LGR6: variants seen among roughly 807,000 people sequenced by gnomAD.
LGR6 encodes the protein leucine-rich repeat-containing G protein-coupled receptor 6.
A neutral mutation model predicts 69.4 loss-of-function variants in LGR6; 45 were observed. The observed-to-expected ratio is 0.65, with a 90% CI of 0.51 to 0.83. The LOEUF is 0.83. LGR6 is among the 40% of genes least tolerant of loss of function. The pLI, the probability that LGR6 is intolerant of heterozygous loss-of-function variation, is 0.00. For missense variants in LGR6, 1,108 were observed against 1,246.7 expected, an observed-to-expected ratio of 0.89 and a Z score of 1.68; for synonymous variants, 538 against 555.0, an observed-to-expected ratio of 0.97 and a Z score of 0.43.
intron 1 of LGR6, among the ~76,000 whole-genome samples, chr1:202,218,083 T>G (rs1659905418): frequency 6.6e-6 from 1 of 152,200 alleles, no homozygotes; most frequent in Non-Finnish European, 1.5e-5. Context: ...GAGGCTGTGC[T>G]AGAAACTAAG....
At chr1:202,314,979 C>A in intron 17 of LGR6, 97 bp downstream of exon 17, 1 of 866,356 alleles carries the variant, frequency 1.2e-6, no homozygotes, top group Non-Finnish European at 1.9e-6. Flanking sequence ...TGTCTGCAGC[C>A]ACATTCTTTG....
chr1:202,214,227 G>C (rs1412708206), intron 1 of LGR6: 4 of 1,541,980 alleles, frequency 2.6e-6, no homozygotes, highest in Non-Finnish European at 2.6e-6. Context: ...TGCACGGCGC[G>C]GTGCGCCCAG....
chr1:202,285,743 C>A (rs1353285003), intron 6 of LGR6, among the ~76,000 whole-genome samples: 1 of 152,134 alleles, frequency 6.6e-6, no homozygotes, highest in East Asian at 1.9e-4. Context: ...AATTTCCAGG[C>A]AGTCAAGGCA....
At chr1:202,301,715 T>C (rs1667608320) in intron 9 of LGR6, among the ~76,000 whole-genome samples, 1 of 152,100 alleles carries the variant, frequency 6.6e-6, no homozygotes, top group Admixed American at 6.6e-5. Flanking sequence ...AAGTCCCACT[T>C]CTTCAAAAAG....
intron 8 of LGR6, 61 bp from the exon 9 acceptor site, chr1:202,301,103 C>A: frequency 6.7e-7 from 1 of 1,499,952 alleles, no homozygotes; most frequent in Non-Finnish European, 9.3e-7. Flanking sequence ...CAGAGATTGG[C>A]CTTAATCCCA....
At chr1:202,197,074 G>T in intron 1 of LGR6, 1 of 533,290 alleles carries the variant, frequency 1.9e-6, no homozygotes, top group South Asian at 1.4e-5. Flanking sequence ...GCCATAGACA[G>T]AACTATAGGA....
At position 202,259,603 on chromosome 1, in the gene LGR6, C is replaced by T. The variant is rs1664055356; in HGVS notation, c.429-16703C>T. Among the ~76,000 whole-genome samples, 5 of 152,072 alleles carry T rather than the reference C, an allele frequency of 3.3e-5. No homozygotes were observed. The South Asian group carries it at 1.0e-3, about 31-fold the overall frequency. On this transcript the variant is annotated intron_variant, in intron 4 of 17. Coordinates refer to ENST00000367278, the MANE Select transcript of LGR6 (RefSeq NM_001017403.2). ...TGGAAAGATGTAAATGATGCTTTGT[C>T]TCACGTCTATCATGTTTTATACTTT...
At position 202,319,198 on chromosome 1, in the gene LGR6, A is replaced by G. The variant is rs770365288; in HGVS notation, c.2895A>G (p.Ser965=). 6.3e-7 allele frequency: 1 copy of G among 1,595,456 alleles called. No individual in the cohort carries two copies. Among genetic ancestry groups the G allele is most frequent in the South Asian group, 1.1e-5 (1 of 88,310 alleles). Residue 965 remains serine, a synonymous_variant, in exon 18 of 18, where the codon TCA becomes TCG. Transcript: ENST00000367278. ...GFQPSGLAFA[S]HV is the part of the protein sequence containing the mutation. ...AGCCCTCTGGCTTGGCCTTTGCTTC[A>G]CACGTGTAAATATCCCTCCCCATTC...
At position 202,235,967 on chromosome 1, in the gene LGR6, G is replaced by A. The variant is rs975555692; in HGVS notation, c.402G>A (p.Leu134=). 11 of 1,613,974 alleles carry A rather than the reference G, an allele frequency of 6.8e-6. No individual in the cohort carries two copies. Among genetic ancestry groups the A allele is most frequent in the Non-Finnish European group, 8.5e-6 (10 of 1,180,014 alleles). Residue 134 remains leucine (L), a synonymous_variant, in exon 4 of 18, where the codon CTG becomes CTA. Transcript: ENST00000367278. The part of the protein sequence containing the change: ...NQLGGIPAEA[L]WELPSLQSLR... ...TGGGAGGAATCCCCGCAGAGGCGCT[G>A]TGGGAGCTGCCGAGCCTGCAGTCGC...
intron 1 of LGR6, among the ~76,000 whole-genome samples, chr1:202,219,080 C>T (rs1399710795): frequency 6.6e-6 from 1 of 152,210 alleles, no homozygotes; most frequent in Non-Finnish European, 1.5e-5. Flanking sequence ...TCCTCTGATT[C>T]CAGATTCTGT....
chr1:202,308,960 A>G (rs1653490888), intron 14 of LGR6, 91 bp from the exon 15 acceptor site: 1 of 1,501,334 alleles, frequency 6.7e-7, no homozygotes, highest in Non-Finnish European at 9.1e-7. Flanking sequence ...TCTTGCTTCC[A>G]TCCCAGGCAC....
intron 4 of LGR6, among the ~76,000 whole-genome samples, chr1:202,274,761 G>A (rs575713235): frequency 1.3e-5 from 2 of 152,338 alleles, no homozygotes; most frequent in Admixed American, 1.3e-4. Flanking sequence ...TCAAGGGTGT[G>A]ACGGCCACCA....
At chr1:202,269,326 G>T (rs888172645) in intron 4 of LGR6, among the ~76,000 whole-genome samples, 4 of 152,118 alleles carry the variant, frequency 2.6e-5, no homozygotes, top group African/African-American at 9.7e-5. Flanking sequence ...TGGGAGTTTG[G>T]GCAGAGAAGC....
chr1:202,262,428 G>A (rs1308880118), intron 4 of LGR6, among the ~76,000 whole-genome samples: 1 of 152,044 alleles, frequency 6.6e-6, no homozygotes, highest in Non-Finnish European at 1.5e-5. Flanking sequence ...TGAGGGCTCT[G>A]TTCTGTTCCA....
At position 202,309,085 on chromosome 1, in the gene LGR6, CT is replaced by C; in HGVS notation, c.1316del (p.Leu439ArgfsTer7). 1 of 1,614,150 alleles carries C rather than the reference CT, an allele frequency of 6.2e-7. No homozygotes were observed. The highest frequency in any genetic ancestry group is 8.5e-7 in the Non-Finnish European group (1 of 1,180,002). The stretch of plus-strand genomic sequence containing the variant: ...AGACAACCAGCTGACCACACTGCCC[CT>C]GGCTGGACTTGGGGGCTTGATGCAT... ...LTDNQLTTLP[L>X]AGLGGLMHLK... On this transcript the variant is annotated frameshift_variant, in exon 15 of 18. Transcript: ENST00000367278. LOFTEE classifies it high-confidence loss of function.
intron 1 of LGR6, among the ~76,000 whole-genome samples, chr1:202,223,677 GCA>G (rs140269568): frequency 2.0e-5 from 3 of 151,260 alleles, no homozygotes; most frequent in Non-Finnish European, 3.0e-5. Flanking sequence ...AATGTGTCAG[GCA>G]CACACACACA....
At chr1:202,300,364 G>T (rs1373827371) in intron 7 of LGR6, among the ~76,000 whole-genome samples, 1 of 152,042 alleles carries the variant, frequency 6.6e-6, no homozygotes, top group East Asian at 1.9e-4. Context: ...TGAACAGGAA[G>T]AAAAATCAGC....
chr1:202,209,285 C>T lies in LGR6; in HGVS notation c.212+15084C>T, dbSNP rs145173184. The stretch of plus-strand genomic sequence containing the variant: ...TGGCCTATAAAGGCAACCTTGGAGA[C>T]GCCACACCTGCCATCCCCAGGGATC... On this transcript the variant is annotated intron_variant, in intron 1 of 17. Coordinates refer to ENST00000367278, the MANE Select transcript of LGR6 (RefSeq NM_001017403.2). Among the ~76,000 whole-genome samples, 17 of 152,262 alleles carry T rather than the reference C, an allele frequency of 1.1e-4. No individual in the cohort carries two copies. The East Asian group carries it at 1.4e-3, about 12-fold the overall frequency.
chr1:202,201,171 G>C (rs1428539642), intron 1 of LGR6, among the ~76,000 whole-genome samples: 2 of 152,176 alleles, frequency 1.3e-5, no homozygotes, highest in Admixed American at 1.3e-4. Context: ...TGCCTCTCCT[G>C]TCTGCTCCAG....
Sources: allele counts gnomAD v4.1 joint callset (sites outside exome capture counted in the v4.1 genomes callset), GRCh38; gene constraint gnomAD v4.1.1; transcripts MANE v1.5; gene names NCBI Gene and HGNC (gene_info 2026-07-23, HGNC 2026-07-21).